The following MTG1 variants were observed in gnomAD, a reference collection of about 807,000 sequenced individuals.
MTG1 encodes mitochondrial ribosome associated GTPase 1, also known as mitochondrial ribosome-associated GTPase 1.
In MTG1, 30 loss-of-function variants were observed where a neutral mutation model predicts 39.5. The ratio of observed to expected loss-of-function variants is 0.76; its 90% CI spans 0.57 to 1.03. MTG1 has a LOEUF of 1.03. MTG1 is among the 50% of genes least tolerant of loss of function. The pLI, the probability that MTG1 is intolerant of heterozygous loss-of-function variation, is 0.00. For synonymous variants in MTG1, 217 were observed against 179.0 expected, an observed-to-expected ratio of 1.21 and a Z score of -1.69; for missense variants, 513 against 447.4, an observed-to-expected ratio of 1.15 and a Z score of -1.32.
intron 6 of MTG1, 123 bp downstream of exon 6, chr10:133,399,742 C>T (rs192005257): frequency 9.5e-4 from 911 of 958,990 alleles, no homozygotes; most frequent in African/African-American, 4.5e-3. Context: ...CTGCTGACCC[C>T]GCAGCCCCAG....
At chr10:133,416,006 G>A (rs1271255575) in intron 9 of MTG1, among the ~76,000 whole-genome samples, 3 of 137,094 alleles carry the variant, frequency 2.2e-5, no homozygotes, top group African/African-American at 3.1e-5. Flanking sequence ...TCGGGCAGGC[G>A]GGTGTCGGGC....
chr10:133,398,428 C>T lies in MTG1; in HGVS notation c.283-7C>T. On this transcript the variant is annotated splice_region_variant and splice_polypyrimidine_tract_variant and intron_variant, in intron 3 of 10. Coordinates refer to ENST00000317502, the MANE Select transcript of MTG1 (RefSeq NM_138384.4). ...AAAGTAACATAGAAATGTTTTGTGT[C>T]TTTCAGAAAATTATGCAACACTTAG... is the stretch of plus-strand genomic sequence containing the variant. The T allele has an allele frequency of 3.1e-6, 5 of 1,611,206 alleles. No individual in the cohort carries two copies. The highest frequency in any genetic ancestry group is 1.1e-5 in the South Asian group (1 of 90,468).
rs530339165 is a variant in MTG1, at chr10:133,419,605, G to A, written c.865+13G>A. On this transcript the variant is annotated intron_variant, in intron 10 of 10. Coordinates refer to ENST00000317502, the MANE Select transcript of MTG1 (RefSeq NM_138384.4). Reference sequence around the variant, plus strand: ...CTCACGGGCACGGGTGAGTGAGGTCGCTGATGCGGGCACCGGAGCCTCACC... The same window carrying A: ...CTCACGGGCACGGGTGAGTGAGGTCACTGATGCGGGCACCGGAGCCTCACC... The A allele has an allele frequency of 6.3e-6, 10 of 1,578,096 alleles. No individual in the cohort carries two copies. The African/African-American group carries it at 8.1e-5, about 13-fold the overall frequency.
intron 9 of MTG1, among the ~76,000 whole-genome samples, chr10:133,418,052 A>G (rs549692630): frequency 8.5e-5 from 13 of 152,262 alleles, no homozygotes; most frequent in East Asian, 1.9e-4. Flanking sequence ...CAGCCAGGCT[A>G]CAGTGCAGTG....
chr10:133,416,158 A>G (rs768623607), intron 9 of MTG1, among the ~76,000 whole-genome samples: 123 of 152,168 alleles, frequency 8.1e-4, no homozygotes, highest in Non-Finnish European at 1.0e-3. Flanking sequence ...TTCTTCTGCA[A>G]TGTATAATCT....
intron 6 of MTG1, among the ~76,000 whole-genome samples, chr10:133,400,516 A>C (rs1012066698): frequency 6.6e-6 from 1 of 152,236 alleles, no homozygotes; most frequent in Non-Finnish European, 1.5e-5. Context: ...TTTATTAACA[A>C]ACCCATTCAT....
At chr10:133,404,823 G>A (rs1849946454) in intron 9 of MTG1, among the ~76,000 whole-genome samples, 1 of 151,968 alleles carries the variant, frequency 6.6e-6, no homozygotes, top group African/African-American at 2.4e-5. Flanking sequence ...AATTGTCTTT[G>A]CATCTTTGTC....
rs1391600657 is a variant in MTG1, at chr10:133,397,543, A to G, written c.283-892A>G. On this transcript the variant is annotated intron_variant, in intron 3 of 10. Coordinates refer to ENST00000317502, the MANE Select transcript of MTG1 (RefSeq NM_138384.4). ...GCCCAGGCTGGAGTGCAGTGGCGCA[A>G]TCTTGACTCACTGCAAGCTCTGCCT... Among the ~76,000 whole-genome samples the G allele has an allele frequency of 4.0e-5, 6 of 151,212 alleles. No homozygotes were observed. The South Asian group carries it at 1.1e-3, about 27-fold the overall frequency.
chr10:133,419,998 T>G, intron 10 of MTG1, 28 bp from the exon 11 acceptor site: 1 of 1,586,370 alleles, frequency 6.3e-7, no homozygotes, highest in Non-Finnish European at 8.6e-7. Flanking sequence ...TGAAGGCTCC[T>G]TCCTCACTGA....
intron 9 of MTG1, among the ~76,000 whole-genome samples, chr10:133,410,321 C>T (rs1039981094): frequency 3.9e-5 from 6 of 152,216 alleles, no homozygotes; most frequent in Non-Finnish European, 7.4e-5. Flanking sequence ...CCTCCCAAAG[C>T]GCTGGGATTA....
intron 9 of MTG1, among the ~76,000 whole-genome samples, chr10:133,413,778 A>G (rs979998624): frequency 1.3e-5 from 2 of 152,074 alleles, no homozygotes; most frequent in African/African-American, 4.8e-5. Flanking sequence ...TTACCTTTAC[A>G]TATTTTATAA....
rs1334419118 is a variant in MTG1 at position 133,420,105 on chromosome 10, T to G, written c.945T>G (p.Gly315=). The G allele has an allele frequency of 6.2e-7, 1 of 1,613,488 alleles. No individual in the cohort carries two copies. Among genetic ancestry groups the G allele is most frequent in the East Asian group, 2.2e-5 (1 of 44,862 alleles). ...AGACTTTCCGCCGTGGGCTGCTGGG[T>G]TCCGTGATGCTGGACCTCGACGTCC... ...FLQTFRRGLL[G]SVMLDLDVLR... is the part of the protein sequence containing the mutation. Residue 315 remains glycine, a synonymous_variant, in exon 11 of 11, where the codon GGT becomes GGG. Transcript: ENST00000317502.
chr10:133,397,601 C>T (rs1279895599), intron 3 of MTG1, among the ~76,000 whole-genome samples: 1 of 151,884 alleles, frequency 6.6e-6, no homozygotes, highest in African/African-American at 2.4e-5. Flanking sequence ...GCCTCAGCCT[C>T]CTGAGCAGCC....
At chr10:133,410,900 T>C (rs1444788443) in intron 9 of MTG1, among the ~76,000 whole-genome samples, 2 of 149,920 alleles carry the variant, frequency 1.3e-5, no homozygotes, top group Non-Finnish European at 3.0e-5. Flanking sequence ...CGTTTTCTTA[T>C]TTCAATTTAT....
At chr10:133,415,201 C>T (rs1053844061) in intron 9 of MTG1, among the ~76,000 whole-genome samples, 9 of 150,822 alleles carry the variant, frequency 6.0e-5, no homozygotes, top group African/African-American at 1.5e-4. Flanking sequence ...GGGAGCGGAG[C>T]GGGAGCGGGA....
rs774995323 is a variant in MTG1, at chr10:133,400,545, CTT to C, written c.511+928_511+929del. ...CATTCATGATGTGCAAATCTGAAGG[CTT>C]TAAACTACGGTGAACTGTTATTTTA... On this transcript the variant is annotated intron_variant, in intron 6 of 10. Coordinates refer to ENST00000317502, the MANE Select transcript of MTG1 (RefSeq NM_138384.4). Among the ~76,000 whole-genome samples the C allele has an allele frequency of 5.9e-5, 9 of 152,368 alleles. No individual in the cohort carries two copies. In the East Asian group the frequency reaches 9.6e-4, roughly 16 times the overall value.
rs1024012382 is a variant in MTG1 at position 133,421,979 on chromosome 10, C to G, written c.*1814C>G. 1 of 152,502 alleles carries G rather than the reference C, an allele frequency of 6.6e-6. No individual in the cohort carries two copies. The highest frequency in any genetic ancestry group is 1.5e-5 in the Non-Finnish European group (1 of 68,556). The allele number at this position is 152,502 out of a possible 1,614,324, so 9.4% of individuals were successfully genotyped here. ...CTAGAGAACGTGGCAGACCCAAGAC[C>G]TCTCAGTGCTGAGCCCATGGAGGAT... On this transcript the variant is annotated 3_prime_UTR_variant, in exon 11 of 11. Transcript: ENST00000317502.
At chr10:133,406,889 T>C (rs190743909) in intron 9 of MTG1, among the ~76,000 whole-genome samples, 12 of 152,268 alleles carry the variant, frequency 7.9e-5, no homozygotes, top group African/African-American at 2.4e-4. Flanking sequence ...GGTCTTGAAC[T>C]CCTGACCTCG....
intron 9 of MTG1, among the ~76,000 whole-genome samples, chr10:133,404,065 C>T (rs1242849010): frequency 3.3e-5 from 3 of 91,530 alleles, no homozygotes; most frequent in Non-Finnish European, 7.1e-5. Flanking sequence ...AATGTCTGTT[C>T]AAATCCTTTT....
Sources: allele counts gnomAD v4.1 joint callset (sites outside exome capture counted in the v4.1 genomes callset), GRCh38; gene constraint gnomAD v4.1.1; transcripts MANE v1.5; gene names NCBI Gene and HGNC (gene_info 2026-07-23, HGNC 2026-07-21).